The following PTPRD variants were observed in gnomAD, a reference collection of about 807,000 sequenced individuals.
The protein encoded by PTPRD is receptor-type tyrosine-protein phosphatase delta.
PTPRD carries 34 observed loss-of-function variants against 214.5 expected under a neutral mutation model. The observed-to-expected ratio is 0.16, with a 90% CI of 0.12 to 0.21. The LOEUF (loss-of-function observed/expected upper bound fraction) is 0.21. Ranked by LOEUF, PTPRD falls within the 10% of genes least tolerant of loss-of-function variation. The pLI is 1.00. For missense variants in PTPRD, 2,545 were observed against 2,398.7 expected (o/e 1.06, Z -1.27); for synonymous variants, 1,128 against 845.7 (o/e 1.33, Z -5.79).
In PTPRD at chr9:8,685,740, A is replaced by T. The variant is rs368327190; in HGVS notation, c.64+48040T>A. 1.4e-4 allele frequency among the ~76,000 whole-genome samples: 22 copies of T among 152,382 alleles called. No homozygotes were observed. In the East Asian group the frequency reaches 4.2e-3, roughly 29 times the overall value. On this transcript the variant is annotated intron_variant, in intron 12 of 45. Transcript: ENST00000381196. Reference sequence around the variant, plus strand: ...AACAGCACAGCCACAGAAGAGGTACAGGCCGATATTAATAAACCAAATCTA... The same window carrying T: ...AACAGCACAGCCACAGAAGAGGTACTGGCCGATATTAATAAACCAAATCTA...
intron 11 of PTPRD, among the ~76,000 whole-genome samples, chr9:8,888,011 A>AT (rs2098506277): frequency 6.6e-6 from 1 of 152,208 alleles, no homozygotes; most frequent in African/African-American, 2.4e-5. Flanking sequence ...AAACGTGGGG[A>AT]TTTTAAATCA....
intron 2 of PTPRD, among the ~76,000 whole-genome samples, chr9:10,392,643 G>A (rs1292361664): frequency 6.6e-6 from 1 of 151,856 alleles, no homozygotes; most frequent in Non-Finnish European, 1.5e-5. Flanking sequence ...CCCTTATAGA[G>A]TTAGAGCATG....
chr9:8,608,223 T>C (rs905061667), intron 14 of PTPRD, among the ~76,000 whole-genome samples: 1 of 152,188 alleles, frequency 6.6e-6, no homozygotes, highest in Non-Finnish European at 1.5e-5. Flanking sequence ...ATACAAATAG[T>C]TGAACTAATT....
intron 9 of PTPRD, among the ~76,000 whole-genome samples, chr9:9,380,735 CG>C (rs957714933): frequency 6.6e-6 from 1 of 151,974 alleles, no homozygotes; most frequent in Non-Finnish European, 1.5e-5. Context: ...ATGTACTTGC[CG>C]TTTTTCTACC....
chr9:8,927,984 G>C (rs760808406), intron 11 of PTPRD, among the ~76,000 whole-genome samples: 2 of 151,882 alleles, frequency 1.3e-5, no homozygotes, highest in South Asian at 2.1e-4. Context: ...TTTCATATTT[G>C]TTGGCCACAT....
chr9:8,786,693 G>A (rs2095992872), intron 11 of PTPRD, among the ~76,000 whole-genome samples: 1 of 151,140 alleles, frequency 6.6e-6, no homozygotes, highest in Non-Finnish European at 1.5e-5. Context: ...GGGATTACAG[G>A]CATGAGCCAT....
chr9:9,467,213 C>G (rs1229806680), intron 8 of PTPRD, among the ~76,000 whole-genome samples: 2 of 92,900 alleles, frequency 2.2e-5, no homozygotes, highest in African/African-American at 8.8e-5. Context: ...GTTCATTTAT[C>G]TTTTTTTTTT....
intron 2 of PTPRD, among the ~76,000 whole-genome samples, chr9:10,573,936 A>G (rs1303503319): frequency 6.6e-6 from 1 of 152,108 alleles, no homozygotes; most frequent in Non-Finnish European, 1.5e-5. Flanking sequence ...TAAAACTTAA[A>G]GTAGAATAAA....
chr9:10,068,256 G>A (rs2097919711), intron 3 of PTPRD, among the ~76,000 whole-genome samples: 1 of 151,878 alleles, frequency 6.6e-6, no homozygotes, highest in African/African-American at 2.4e-5. Context: ...ATAACCGAAT[G>A]TGGAAAAGGT....
chr9:9,071,454 C>T (rs79152009), intron 10 of PTPRD, among the ~76,000 whole-genome samples: 3,439 of 152,208 alleles, frequency 0.023, 89 homozygotes, highest in African/African-American at 0.062. Context: ...AGAGATTTTA[C>T]ATAGGAGAGA....
intron 11 of PTPRD, among the ~76,000 whole-genome samples, chr9:9,012,208 G>C (rs923787961): frequency 1.2e-4 from 18 of 152,134 alleles, no homozygotes; most frequent in African/African-American, 3.9e-4. Context: ...CCAACAACTT[G>C]AGTAAACTTG....
chr9:9,399,590 C>T (rs889084283), intron 8 of PTPRD, among the ~76,000 whole-genome samples: 5 of 151,982 alleles, frequency 3.3e-5, no homozygotes, highest in African/African-American at 4.8e-5. Context: ...AATTGTAGCT[C>T]TCATAATTCC....
At chr9:8,692,558 T>C (rs7040154) in intron 12 of PTPRD, among the ~76,000 whole-genome samples, 46,680 of 152,034 alleles carry the variant, frequency 0.31, 8,329 homozygotes, top group African/African-American at 0.48. Context: ...TAGTGAACAC[T>C]AGCAATCTCT....
intron 2 of PTPRD, among the ~76,000 whole-genome samples, chr9:10,417,985 G>C (rs1037575107): frequency 5.3e-5 from 8 of 151,166 alleles, no homozygotes; most frequent in Non-Finnish European, 1.0e-4. Context: ...GAGTTTAACA[G>C]ATTAGTTAAT....
At chr9:8,811,551 AG>A (rs1293034111) in intron 11 of PTPRD, among the ~76,000 whole-genome samples, 31 of 152,230 alleles carry the variant, frequency 2.0e-4, no homozygotes, top group Non-Finnish European at 4.6e-4. Context: ...GAGGTCACTA[AG>A]GAACAGAACA....
At chr9:8,387,546 TG>T (rs2087579155) in intron 37 of PTPRD, among the ~76,000 whole-genome samples, 2 of 152,194 alleles carry the variant, frequency 1.3e-5, no homozygotes. Flanking sequence ...CAGAACAGAC[TG>T]GGTAGGTTGG....
At chr9:9,224,103 G>A (rs574151414) in intron 9 of PTPRD, among the ~76,000 whole-genome samples, 22 of 152,084 alleles carry the variant, frequency 1.4e-4, no homozygotes, top group Admixed American at 1.4e-3. Flanking sequence ...TTTAGAAGGA[G>A]TATTGGAGAT....
At chr9:9,006,458 G>C (rs1359451490) in intron 11 of PTPRD, among the ~76,000 whole-genome samples, 2 of 152,000 alleles carry the variant, frequency 1.3e-5, no homozygotes, top group Non-Finnish European at 2.9e-5. Context: ...TAATTTTAAA[G>C]ACTAACGTTA....
chr9:9,407,469 G>T (rs144285766), intron 8 of PTPRD, among the ~76,000 whole-genome samples: 94 of 151,848 alleles, frequency 6.2e-4, no homozygotes, highest in African/African-American at 2.2e-3. Context: ...TCTACATTGA[G>T]TATACCAGAT....
Sources: gnomAD v4.1 joint callset for allele counts (sites outside exome capture counted in the v4.1 genomes callset) on GRCh38, gnomAD v4.1.1 for gene constraint, MANE v1.5 for transcripts, NCBI Gene and HGNC (gene_info 2026-07-23, HGNC 2026-07-21) for gene names.